Variants in SATB2 observed in about 807,000 individuals in gnomAD.
SATB2 encodes SATB homeobox 2, also known as DNA-binding protein SATB2.
In SATB2, 1 loss-of-function variant was observed where a neutral mutation model predicts 73.4. The ratio of observed to expected loss-of-function variants is 0.01; its 90% CI spans 0.00 to 0.06. The LOEUF (loss-of-function observed/expected upper bound fraction) is 0.06. Ranked by LOEUF, SATB2 falls within the 10% of genes least tolerant of loss-of-function variation. The pLI is 1.00. For missense variants in SATB2, 459 were observed against 945.8 expected (o/e 0.49, Z 6.75); for synonymous variants, 397 against 367.0 (o/e 1.08, Z -0.93).
rs76273274 is a variant in SATB2 at position 199,333,198 on chromosome 2, A to G, written c.1174-4288T>C. ...CAGTCTATTAATTCATTTCTTATTT[A>G]TGATTGAATACAAAGTTCTGAGAGG... On this transcript the variant is annotated intron_variant, in intron 7 of 10. Transcript: ENST00000417098. Among the ~76,000 whole-genome samples the G allele has an allele frequency of 2.8e-3, 432 of 152,108 alleles. 1 individual carries two copies. Among genetic ancestry groups the G allele is most frequent in the African/African-American group, 9.4e-3 (392 of 41,510 alleles).
At chr2:199,450,109 C>T (rs1231522561) in intron 2 of SATB2, among the ~76,000 whole-genome samples, 3 of 151,982 alleles carry the variant, frequency 2.0e-5, no homozygotes, top group Admixed American at 2.0e-4. Context: ...AACTTGCTGC[C>T]AAAGCTTCTG....
At chr2:199,380,879 A>T (rs1169945301) in intron 4 of SATB2, among the ~76,000 whole-genome samples, 4 of 152,170 alleles carry the variant, frequency 2.6e-5, no homozygotes, top group Non-Finnish European at 5.9e-5. Flanking sequence ...TGCAGTTGGA[A>T]GGCCCACCCT....
At position 199,302,311 on chromosome 2, in the gene SATB2, G is replaced by T. The variant is rs190708639; in HGVS notation, c.1740+6449C>A. Among the ~76,000 whole-genome samples the T allele has an allele frequency of 2.8e-3, 427 of 152,208 alleles. 4 individuals are homozygous for T. The highest frequency in any genetic ancestry group is 1.0e-2 in the African/African-American group (415 of 41,554). On this transcript the variant is annotated intron_variant, in intron 10 of 10. Coordinates refer to ENST00000417098, the MANE Select transcript of SATB2 (RefSeq NM_001172509.2). ...AAATAACTGTCTCTTAGAGTAAAAA[G>T]AATTGATAACAAATGACTTTCAAAT...
At chr2:199,437,815 AT>A (rs1691696920) in intron 2 of SATB2, among the ~76,000 whole-genome samples, 1 of 152,142 alleles carries the variant, frequency 6.6e-6, no homozygotes, top group East Asian at 1.9e-4. Flanking sequence ...TTAACCAGTA[AT>A]TTTTTTCAAG....
chr2:199,354,044 C>T (rs774516379), intron 6 of SATB2, among the ~76,000 whole-genome samples: 14 of 152,154 alleles, frequency 9.2e-5, no homozygotes, highest in Non-Finnish European at 1.8e-4. Context: ...AACACGCTTA[C>T]TTATTAAAGA....
At chr2:199,285,346 G>A (rs180835319) in intron 10 of SATB2, among the ~76,000 whole-genome samples, 130 of 150,820 alleles carry the variant, frequency 8.6e-4, no homozygotes, top group Admixed American at 1.7e-3. Context: ...AATTACACAT[G>A]CATTATGATT....
At chr2:199,461,985 G>C (rs1471796465), upstream of SATB2, among the ~76,000 whole-genome samples, 1 of 152,196 alleles carries the variant, frequency 6.6e-6, no homozygotes. Flanking sequence ...CCTGGGTGGA[G>C]GGTGCAGGGT....
chr2:199,381,863 T>C (rs763889048), intron 3 of SATB2, 43 bp from the exon 4 acceptor site: 3 of 1,607,204 alleles, frequency 1.9e-6, no homozygotes, highest in Non-Finnish European at 2.6e-6. Context: ...ATCTGCTATT[T>C]ATTAAACCTT....
chr2:199,411,231 A>G (rs1415455212), intron 3 of SATB2, among the ~76,000 whole-genome samples: 1 of 152,088 alleles, frequency 6.6e-6, no homozygotes, highest in African/African-American at 2.4e-5. Flanking sequence ...AAAAAAAAAA[A>G]AAATTCACCT....
At chr2:199,354,057 C>G (rs1688900903) in intron 6 of SATB2, among the ~76,000 whole-genome samples, 2 of 152,086 alleles carry the variant, frequency 1.3e-5, no homozygotes, top group Admixed American at 6.6e-5. Flanking sequence ...ATTAAAGAGA[C>G]AGTAAAAACA....
In SATB2 at chr2:199,455,798, A is replaced by G. The variant is rs1442752418; in HGVS notation, c.169+71T>C. 1 of 1,502,536 alleles carries G rather than the reference A, an allele frequency of 6.7e-7. No homozygotes were observed. Among genetic ancestry groups the G allele is most frequent in the African/African-American group, 1.4e-5 (1 of 72,296 alleles). The allele number at this position is 1,502,536 out of a possible 1,614,324, so 93.1% of individuals were successfully genotyped here. ...CCTACACCGCGACAGCGCCTAATCA[A>G]CCTGAACCCTGACACCCGGGCCATT... On this transcript the variant is annotated intron_variant, in intron 2 of 10. Coordinates refer to ENST00000417098, the MANE Select transcript of SATB2 (RefSeq NM_001172509.2). The surrounding 1 kb of genome is among the most constrained non-coding windows in gnomAD (Gnocchi z 4.1).
At chr2:199,364,727 T>C (rs1336533742) in intron 6 of SATB2, among the ~76,000 whole-genome samples, 2 of 152,162 alleles carry the variant, frequency 1.3e-5, no homozygotes, top group African/African-American at 4.8e-5. Context: ...TATTAAATAA[T>C]TGGGATTGAC....
chr2:199,433,525 A>G lies in SATB2; in HGVS notation c.170-11T>C, dbSNP rs760601856. The G allele has an allele frequency of 1.9e-6, 3 of 1,613,724 alleles. No individual in the cohort carries two copies. In the South Asian group the frequency reaches 3.3e-5, roughly 18 times the overall value. ...CAGGAATCATCAAACCTGAAGGGACAAAATTCAAGAGCAAAACACAAACAT... is the reference window on the plus strand; with the variant it reads ...CAGGAATCATCAAACCTGAAGGGACGAAATTCAAGAGCAAAACACAAACAT... On this transcript the variant is annotated splice_polypyrimidine_tract_variant and intron_variant, in intron 2 of 10. Coordinates refer to ENST00000417098, the MANE Select transcript of SATB2 (RefSeq NM_001172509.2).
chr2:199,279,624 G>A (rs972765222), intron 10 of SATB2, among the ~76,000 whole-genome samples: 44 of 152,130 alleles, frequency 2.9e-4, no homozygotes, highest in African/African-American at 8.4e-4. Flanking sequence ...AGGTGGTCAC[G>A]TCTGTCTCTC....
intron 10 of SATB2, among the ~76,000 whole-genome samples, chr2:199,289,995 G>A (rs1441259074): frequency 2.0e-5 from 3 of 152,170 alleles, no homozygotes; most frequent in Admixed American, 1.3e-4. Flanking sequence ...GCCCTCAGTG[G>A]CCTTCAGGTG....
rs779123856 is a variant in SATB2, at chr2:199,463,873, C to T, written c.-141+963G>A. On this transcript the variant is annotated intron_variant, in intron 1 of 11. Coordinates refer to the SATB2 transcript ENST00000260926. The surrounding 1 kb of genome is among the most constrained non-coding windows in gnomAD (Gnocchi z 6.4). ...GGCGTCCAGAAATCCGCTCCCACCC[C>T]TCGTAGGGGCAGGCAAGCTCAGGCA... Among the ~76,000 whole-genome samples, 3 of 152,228 alleles carry T rather than the reference C, an allele frequency of 2.0e-5. No homozygotes were observed. Among genetic ancestry groups the T allele is most frequent in the Non-Finnish European group, 4.4e-5 (3 of 68,044 alleles).
At chr2:199,340,109 A>T (rs990442935) in intron 7 of SATB2, among the ~76,000 whole-genome samples, 5 of 152,220 alleles carry the variant, frequency 3.3e-5, no homozygotes, top group Admixed American at 6.5e-5. Flanking sequence ...CTTTCCTGAT[A>T]CATCGTTCAA....
At chr2:199,306,346 T>C (rs913154299) in intron 10 of SATB2, among the ~76,000 whole-genome samples, 11 of 152,288 alleles carry the variant, frequency 7.2e-5, no homozygotes, top group Admixed American at 4.6e-4. Flanking sequence ...CACTCAGATA[T>C]AGGCATAACG....
intron 3 of SATB2, among the ~76,000 whole-genome samples, chr2:199,432,706 A>G (rs563296884): frequency 2.0e-5 from 3 of 152,200 alleles, no homozygotes; most frequent in Non-Finnish European, 4.4e-5. Flanking sequence ...GCATGACAGA[A>G]CAATGGGCTA....
Sources: allele counts gnomAD v4.1 joint callset (sites outside exome capture counted in the v4.1 genomes callset), GRCh38; gene constraint gnomAD v4.1.1; non-coding constraint Gnocchi (gnomAD v3.1); transcripts MANE v1.5; gene names NCBI Gene and HGNC (gene_info 2026-07-23, HGNC 2026-07-21).